The following TBXAS1 variants were observed in gnomAD, a reference collection of about 807,000 sequenced individuals.
TBXAS1 encodes the protein thromboxane-A synthase.
A neutral mutation model predicts 60.7 loss-of-function variants in TBXAS1; 48 were observed. The ratio of observed to expected loss-of-function variants is 0.79; its 90% confidence interval spans 0.63 to 1.01. The LOEUF (loss-of-function observed/expected upper bound fraction) is 1.01. Among genes scored for constraint, TBXAS1 ranks in the 50% least tolerant of loss-of-function variants. The pLI, the probability that TBXAS1 is intolerant of heterozygous loss-of-function variation, is 0.00. For synonymous variants in TBXAS1, 287 were observed against 269.7 expected (o/e 1.06, Z -0.63); for missense variants, 685 against 686.3 (o/e 1.00, Z 0.02).
chr7:140,015,780 C>A lies in TBXAS1; in HGVS notation c.1284C>A (p.Gly428=). 1.9e-6 allele frequency: 3 copies of A among 1,613,690 alleles called. No individual in the cohort carries two copies. The highest frequency in any genetic ancestry group is 2.5e-6 in the Non-Finnish European group (3 of 1,180,034). The change falls in exon 11 of 13, where the codon GGC becomes GGA. Residue 428 remains glycine (G), a synonymous_variant. Transcript: ENST00000448866. ...CEVLGQRIPA[G]AVLEMAVGAL... The stretch of plus-strand genomic sequence containing the variant: ...TGCTGGGGCAGCGCATCCCCGCAGG[C>A]GCTGTGCTAGAGATGGCCGTGGGTG...
intron 4 of TBXAS1, among the ~76,000 whole-genome samples, chr7:139,794,526 T>A (rs946455791): frequency 1.3e-5 from 2 of 151,908 alleles, no homozygotes; most frequent in Non-Finnish European, 1.5e-5. Flanking sequence ...TTTTTTTTTT[T>A]ATTATACTTT....
chr7:140,020,148 A>G lies in TBXAS1; in HGVS notation c.*49A>G, dbSNP rs773465067. The G allele has an allele frequency of 3.8e-6, 6 of 1,584,646 alleles. No individual in the cohort carries two copies. Among genetic ancestry groups the G allele is most frequent in the Middle Eastern group, 3.3e-4 (2 of 6,002 alleles). On this transcript the variant is annotated 3_prime_UTR_variant, in exon 13 of 13. Transcript: ENST00000448866. ...GAGGGCACCCCCAAATTCAAAGAAAACCCTAAGTGTGGATGTTCAGAATTT... is the reference window on the plus strand; with the variant it reads ...GAGGGCACCCCCAAATTCAAAGAAAGCCCTAAGTGTGGATGTTCAGAATTT...
At chr7:139,951,936 A>G (rs1326569699) in intron 5 of TBXAS1, among the ~76,000 whole-genome samples, 2 of 35,254 alleles carry the variant, frequency 5.7e-5, no homozygotes, top group Non-Finnish European at 1.3e-4. Context: ...AAAGAGAGAA[A>G]GAAGGAAAGA....
intron 4 of TBXAS1, among the ~76,000 whole-genome samples, chr7:139,808,020 A>G (rs532705824): frequency 2.6e-5 from 4 of 152,256 alleles, no homozygotes; most frequent in Admixed American, 1.3e-4. Flanking sequence ...TTTCCACCTT[A>G]CAGATACAAT....
At chr7:139,959,257 C>T (rs1009532659) in intron 8 of TBXAS1, among the ~76,000 whole-genome samples, 4 of 152,172 alleles carry the variant, frequency 2.6e-5, no homozygotes, top group Non-Finnish European at 4.4e-5. Context: ...CAGAGCTATA[C>T]GGTTACTAAG....
chr7:139,785,962 C>G (rs1031627748), intron 3 of TBXAS1, among the ~76,000 whole-genome samples: 1 of 151,314 alleles, frequency 6.6e-6, no homozygotes, highest in African/African-American at 2.4e-5. Flanking sequence ...CAGCCCACAT[C>G]CCCAGAGGTC....
At chr7:140,009,555 C>T (rs1416034400) in intron 10 of TBXAS1, among the ~76,000 whole-genome samples, 1 of 151,000 alleles carries the variant, frequency 6.6e-6, no homozygotes, top group Non-Finnish European at 1.5e-5. Flanking sequence ...CCGCCCCTTC[C>T]CCACACATGC....
At chr7:139,805,672 TTCTTTC>T (rs1207868030) in intron 4 of TBXAS1, among the ~76,000 whole-genome samples, 3 of 45,140 alleles carry the variant, frequency 6.6e-5, no homozygotes, top group African/African-American at 2.7e-4. Flanking sequence ...CTTTCTTTCT[TTCTTTC>T]TTTCTTTCTT....
At chr7:139,834,137 G>A (rs559231997) in intron 1 of TBXAS1, among the ~76,000 whole-genome samples, 18 of 152,118 alleles carry the variant, frequency 1.2e-4, no homozygotes, top group African/African-American at 3.9e-4. Context: ...GAATAAAACT[G>A]GAAATCATCT....
At chr7:139,871,525 T>C (rs1801822831) in intron 1 of TBXAS1, among the ~76,000 whole-genome samples, 1 of 152,240 alleles carries the variant, frequency 6.6e-6, no homozygotes, top group African/African-American at 2.4e-5. Flanking sequence ...TTCCAATGTT[T>C]TGACAGCCAC....
chr7:139,846,533 C>G (rs945279163), intron 1 of TBXAS1, among the ~76,000 whole-genome samples: 1 of 152,210 alleles, frequency 6.6e-6, no homozygotes, highest in Non-Finnish European at 1.5e-5. Context: ...TTAGTGTTAT[C>G]TGATAACTGC....
intron 3 of TBXAS1, among the ~76,000 whole-genome samples, chr7:139,908,898 T>C (rs6977672): frequency 0.25 from 38,764 of 152,022 alleles, 5,121 homozygotes; most frequent in South Asian, 0.43. Flanking sequence ...CATCAGAGAA[T>C]GCCATTATTT....
chr7:139,948,330 G>A (rs1211838190), intron 5 of TBXAS1, among the ~76,000 whole-genome samples: 3 of 152,090 alleles, frequency 2.0e-5, no homozygotes, highest in African/African-American at 7.2e-5. Flanking sequence ...AAGCATGAGT[G>A]CTCTGGTGTC....
In TBXAS1 at chr7:139,864,387, C is replaced by T. The variant is rs73734122; in HGVS notation, c.90-7848C>T. ...ATAAAATCAACAGAGAGATACAACA[C>T]ATTCATATATGAGACAAATTGATGT... is the stretch of plus-strand genomic sequence containing the variant. On this transcript the variant is annotated intron_variant, in intron 1 of 12. Coordinates refer to ENST00000448866, the MANE Select transcript of TBXAS1 (RefSeq NM_001061.7). 7.4e-3 allele frequency among the ~76,000 whole-genome samples: 1,128 copies of T among 152,154 alleles called. 20 individuals carry two copies. The highest frequency in any genetic ancestry group is 0.026 in the African/African-American group (1,067 of 41,522).
chr7:139,968,974 C>A (rs1810997962), intron 9 of TBXAS1, among the ~76,000 whole-genome samples: 1 of 152,172 alleles, frequency 6.6e-6, no homozygotes, highest in Admixed American at 6.5e-5. Flanking sequence ...AAAAAACCAA[C>A]TTCTTTTCAT....
At chr7:139,941,341 C>A (rs765978666) in intron 5 of TBXAS1, among the ~76,000 whole-genome samples, 1 of 151,972 alleles carries the variant, frequency 6.6e-6, no homozygotes, top group African/African-American at 2.4e-5. Flanking sequence ...TTCGTTTATG[C>A]GGATATTAGG....
chr7:139,957,736 C>T lies in TBXAS1; in HGVS notation c.791C>T (p.Ala264Val). Residue 264 changes from alanine (A) to valine (V), a missense_variant, in exon 8 of 13, where the codon GCC becomes GTC. By Grantham distance (64) the Ala-to-Val change is moderately conservative (BLOSUM62 0). Transcript: ENST00000448866. ...FFNKLIRNVI[A>V]LRDQQAAEER... ...AACAAACTCATTAGGAATGTGATTGCCTTGCGGGACCAGCAAGCTGCCGAA... is the reference window on the plus strand; with the variant it reads ...AACAAACTCATTAGGAATGTGATTGTCTTGCGGGACCAGCAAGCTGCCGAA... 6.2e-7 allele frequency: 1 copy of T among 1,614,066 alleles called. No individual in the cohort carries two copies. The highest frequency in any genetic ancestry group is 8.5e-7 in the Non-Finnish European group (1 of 1,180,016).
intron 9 of TBXAS1, among the ~76,000 whole-genome samples, chr7:139,978,832 G>C (rs1170488963): frequency 6.6e-6 from 1 of 151,464 alleles, no homozygotes; most frequent in Non-Finnish European, 1.5e-5. Flanking sequence ...GTGCGTGCTC[G>C]TACTCCCAGC....
chr7:139,997,048 C>T (rs1340316601), intron 9 of TBXAS1, among the ~76,000 whole-genome samples: 2 of 152,160 alleles, frequency 1.3e-5, no homozygotes, highest in African/African-American at 4.8e-5. Flanking sequence ...TATCTTGACT[C>T]ATCAAAAACC....
Sources: gnomAD v4.1 joint callset for allele counts (sites outside exome capture counted in the v4.1 genomes callset) on GRCh38, gnomAD v4.1.1 for gene constraint, MANE v1.5 for transcripts, NCBI Gene and HGNC (gene_info 2026-07-23, HGNC 2026-07-21) for gene names.